The following HIVEP3 variants were observed in gnomAD, a reference collection of about 807,000 sequenced individuals.
HIVEP3 encodes the protein transcription factor HIVEP3.
HIVEP3 carries 49 observed loss-of-function variants against 152.8 expected under a neutral mutation model. The ratio of observed to expected loss-of-function variants is 0.32; its 90% confidence interval spans 0.26 to 0.41. HIVEP3 has a LOEUF of 0.41. Ranked by LOEUF, HIVEP3 falls within the 10% of genes least tolerant of loss-of-function variation. The pLI is 1.00. For missense variants in HIVEP3, 2,790 were observed against 3,103.3 expected (o/e 0.90, Z 2.40); for synonymous variants, 1,269 against 1,289.0 (o/e 0.98, Z 0.33).
chr1:41,581,258 T>A lies in HIVEP3; in HGVS notation c.3540A>T (p.Pro1180=). The A allele has an allele frequency of 2.5e-6, 4 of 1,591,266 alleles. No homozygotes were observed. Among genetic ancestry groups the A allele is most frequent in the Non-Finnish European group, 3.4e-6 (4 of 1,169,876 alleles). Residue 1180 remains proline (P), a synonymous_variant, in exon 4 of 9, where the codon CCA becomes CCT. Coordinates refer to ENST00000372583, the MANE Select transcript of HIVEP3 (RefSeq NM_024503.5). This position sits in a 1 kb window ranked among gnomAD's most constrained non-coding sequence, Gnocchi z 4.5. The part of the protein sequence containing the change: ...SLLSSPYSMP[P]LPPSLFQAPP... ...GGGCTTGAAATAAGGAGGGAGGAAG[T>A]GGGGGCATGGAGTATGGTGAGGACA...
At chr1:41,676,981 T>TGTGTTATGCC (rs1553247365) in intron 2 of HIVEP3, among the ~76,000 whole-genome samples, 1 of 152,152 alleles carries the variant, frequency 6.6e-6, no homozygotes, top group Non-Finnish European at 1.5e-5. Flanking sequence ...GCAGAGTCAC[T>TGTGTTATGCC]GTGTTATGCC....
At chr1:42,028,389 G>A (rs1645594168) in intron 1 of HIVEP3, among the ~76,000 whole-genome samples, 1 of 152,136 alleles carries the variant, frequency 6.6e-6, no homozygotes, top group African/African-American at 2.4e-5. Context: ...TAGAAGGAGA[G>A]ACCAGGAAGC....
chr1:41,909,208 G>GA (rs1231624503), intron 1 of HIVEP3, among the ~76,000 whole-genome samples: 1 of 152,036 alleles, frequency 6.6e-6, no homozygotes, highest in Non-Finnish European at 1.5e-5. Context: ...AAAACAAGGG[G>GA]AAAAATAGTG....
chr1:41,951,733 G>A (rs1288460002), intron 1 of HIVEP3, among the ~76,000 whole-genome samples: 1 of 152,090 alleles, frequency 6.6e-6, no homozygotes, highest in Non-Finnish European at 1.5e-5. Context: ...AGTGCCAGTA[G>A]GGGAAATACC....
chr1:41,717,001 G>T (rs1049413125), intron 1 of HIVEP3, among the ~76,000 whole-genome samples: 2 of 152,216 alleles, frequency 1.3e-5, no homozygotes, highest in African/African-American at 4.8e-5. Context: ...AGCCAGCTCT[G>T]CCCAGGCCTC....
chr1:41,522,165 C>T (rs1306419624), intron 6 of HIVEP3, among the ~76,000 whole-genome samples: 1 of 152,192 alleles, frequency 6.6e-6, no homozygotes, highest in African/African-American at 2.4e-5. Flanking sequence ...GGCACACAGC[C>T]CCGGAGACAA....
At chr1:41,639,577 C>T (rs1473936105) in intron 2 of HIVEP3, among the ~76,000 whole-genome samples, 1 of 152,200 alleles carries the variant, frequency 6.6e-6, no homozygotes, top group Non-Finnish European at 1.5e-5. Flanking sequence ...CCTTCCAAGT[C>T]TCTCTCCCTC....
rs551099775 is a variant in HIVEP3, at chr1:41,822,350, A to C, written c.-801+96063T>G. On this transcript the variant is annotated intron_variant, in intron 1 of 8. Coordinates refer to ENST00000372583, the MANE Select transcript of HIVEP3 (RefSeq NM_024503.5). The stretch of plus-strand genomic sequence containing the variant: ...CACAGTGTCACTTCCTCCAAATCCT[A>C]TGGACAAAGTGAGTCAAAAGCCAGC... Among the ~76,000 whole-genome samples, 26 of 152,302 alleles carry C rather than the reference A, an allele frequency of 1.7e-4. No homozygotes were observed. The South Asian group carries it at 4.6e-3, about 27-fold the overall frequency.
At chr1:41,517,117 C>T (rs2149048828) in intron 7 of HIVEP3, among the ~76,000 whole-genome samples, 1 of 152,342 alleles carries the variant, frequency 6.6e-6, no homozygotes, top group African/African-American at 2.4e-5. Flanking sequence ...TCTGAGCATC[C>T]TCGTTTGCTC....
chr1:42,031,937 C>T, intron 1 of HIVEP3, among the ~76,000 whole-genome samples: 1 of 152,150 alleles, frequency 6.6e-6, no homozygotes, highest in East Asian at 1.9e-4. Flanking sequence ...GTTTTCCAGT[C>T]AATGTGGTAA....
At chr1:41,734,929 C>A (rs1019755494) in intron 1 of HIVEP3, among the ~76,000 whole-genome samples, 3 of 152,192 alleles carry the variant, frequency 2.0e-5, no homozygotes, top group Non-Finnish European at 2.9e-5. Context: ...AGAGTGCTTA[C>A]AGGGTATTCA....
intron 1 of HIVEP3, among the ~76,000 whole-genome samples, chr1:41,875,846 A>C (rs530980628): frequency 2.7e-4 from 41 of 152,100 alleles, no homozygotes; most frequent in Non-Finnish European, 5.1e-4. Context: ...GACTGTGCTC[A>C]TTTCTTTCCA....
chr1:42,030,239 TG>T (rs1283719543), intron 1 of HIVEP3, among the ~76,000 whole-genome samples: 1 of 152,174 alleles, frequency 6.6e-6, no homozygotes, highest in Admixed American at 6.5e-5. Context: ...TAAAACATTA[TG>T]AGATTATTTT....
rs754765902 is a variant in HIVEP3, at chr1:41,584,572, G to T, written c.226C>A (p.Gln76Lys). ...GGCCTTTTGGGGGGCTTCTGCTGCT[G>T]GCCCGTTTTCTCCTGAGAGCCTTCC... The part of the protein sequence containing the change: ...LREGSQEKTG[Q>K]QQKPPKRPPI... Residue 76 changes from glutamine to lysine, a missense_variant, in exon 4 of 9, where the codon CAG becomes AAG. Transcript: ENST00000372583. This position sits in a 1 kb window ranked among gnomAD's most constrained non-coding sequence, Gnocchi z 5.2. 34 of 1,614,010 alleles carry T rather than the reference G, an allele frequency of 2.1e-5. No homozygotes were observed. In the Admixed American group the frequency reaches 5.5e-4, roughly 26 times the overall value.
intron 1 of HIVEP3, among the ~76,000 whole-genome samples, chr1:41,846,214 T>C (rs964229314): frequency 2.0e-5 from 3 of 152,238 alleles, no homozygotes; most frequent in Non-Finnish European, 1.5e-5. Context: ...TAGTGAAATA[T>C]GGTAACATTC....
chr1:41,797,558 A>T (rs1229629865), intron 1 of HIVEP3, among the ~76,000 whole-genome samples: 1 of 152,216 alleles, frequency 6.6e-6, no homozygotes, highest in East Asian at 1.9e-4. Context: ...AATATTTTGT[A>T]CTTCTAGAAC....
At chr1:42,016,151 A>T (rs1017724615) in intron 1 of HIVEP3, among the ~76,000 whole-genome samples, 67 of 152,320 alleles carry the variant, frequency 4.4e-4, no homozygotes, top group Non-Finnish European at 2.2e-4. Flanking sequence ...GTATATACAC[A>T]TACATATGTG....
chr1:41,572,210 G>A (rs528471767), intron 5 of HIVEP3, among the ~76,000 whole-genome samples: 1 of 152,230 alleles, frequency 6.6e-6, no homozygotes, highest in Non-Finnish European at 1.5e-5. Flanking sequence ...AGTGTCTGCA[G>A]TTCAGGGGTG....
At chr1:41,568,461 A>G (rs573769596) in intron 5 of HIVEP3, among the ~76,000 whole-genome samples, 1 of 152,364 alleles carries the variant, frequency 6.6e-6, no homozygotes, top group East Asian at 1.9e-4. Context: ...GAGCCGGCAC[A>G]TGCAGGCCCG....
Sources: allele counts gnomAD v4.1 joint callset (sites outside exome capture counted in the v4.1 genomes callset), GRCh38; gene constraint gnomAD v4.1.1; non-coding constraint Gnocchi (gnomAD v3.1); transcripts MANE v1.5; gene names NCBI Gene and HGNC (gene_info 2026-07-23, HGNC 2026-07-21).